DGKB: variants seen among roughly 807,000 people sequenced by gnomAD.
DGKB encodes diacylglycerol kinase beta.
Under a neutral mutation model 114.3 loss-of-function variants are expected in DGKB, and 67 were observed. That is an observed-to-expected ratio of 0.59 (90% CI 0.48 to 0.72). The LOEUF (loss-of-function observed/expected upper bound fraction) is 0.72, where lower values mean the gene tolerates loss of function less well. Among genes scored for constraint, DGKB ranks in the 30% least tolerant of loss-of-function variants. The probability of loss-of-function intolerance (pLI) is 0.00; values close to 1 mark genes in which losing one functional copy is unlikely to be tolerated. For missense variants in DGKB, 907 were observed against 975.2 expected, an observed-to-expected ratio of 0.93 and a Z score of 0.93; for synonymous variants, 398 against 323.1, an observed-to-expected ratio of 1.23 and a Z score of -2.49.
intron 15 of DGKB, chr7:14,621,151 G>T (rs913891719): frequency 9.8e-6 from 4 of 409,664 alleles, no homozygotes; most frequent in African/African-American, 4.2e-5. Context: ...TTGCCAATTT[G>T]AGTTTAAATG....
intron 23 of DGKB, among the ~76,000 whole-genome samples, chr7:14,284,796 G>T (rs1187515885): frequency 1.3e-5 from 2 of 148,580 alleles, no homozygotes; most frequent in Non-Finnish European, 3.0e-5. Flanking sequence ...TCACTCATAG[G>T]TGGGAATTGA....
chr7:14,833,921 C>T (rs987410884), intron 2 of DGKB, among the ~76,000 whole-genome samples: 5 of 152,270 alleles, frequency 3.3e-5, no homozygotes, highest in Non-Finnish European at 4.4e-5. Context: ...ATCTTGCATA[C>T]GTAACATTCA....
intron 21 of DGKB, among the ~76,000 whole-genome samples, chr7:14,347,410 C>A (rs1263355956): frequency 6.6e-6 from 1 of 151,962 alleles, no homozygotes; most frequent in Non-Finnish European, 1.5e-5. Context: ...AAAAATAGAA[C>A]AACCATGTGA....
Position 14,295,862 on chromosome 7 carries a change from C to A in DGKB, c.2122+42653G>T, listed in dbSNP as rs183501800. 1.1e-3 allele frequency among the ~76,000 whole-genome samples: 172 copies of A among 152,106 alleles called. No individual in the cohort carries two copies. The East Asian group carries it at 0.022, about 19-fold the overall frequency. ...TGATGCTATCCCTACCCTAGCCCCC[C>A]AACCCAGACAGGCCCCAGTGTGTGT... On this transcript the variant is annotated intron_variant, in intron 23 of 25. Transcript: ENST00000402815.
chr7:14,501,161 G>C (rs1426397521), intron 20 of DGKB, among the ~76,000 whole-genome samples: 2 of 151,744 alleles, frequency 1.3e-5, no homozygotes, highest in African/African-American at 4.8e-5. Context: ...GGGATCTAGG[G>C]TTATAGGAAT....
At chr7:14,373,733 G>A (rs1022134591) in intron 21 of DGKB, among the ~76,000 whole-genome samples, 10 of 152,102 alleles carry the variant, frequency 6.6e-5, no homozygotes, top group Non-Finnish European at 1.0e-4. Flanking sequence ...AAGAGGTAAG[G>A]AGAGAAGGGA....
rs191126227 is a variant in DGKB at position 14,777,803 on chromosome 7, C to T, written c.71-20072G>A. On this transcript the variant is annotated intron_variant, in intron 2 of 25. Transcript: ENST00000402815. Reference sequence around the variant, plus strand: ...CATAAATTCCTAAAGGTAGTGTGAACGGGTCAACGGGCTCACAGAATTTAA... The same window carrying T: ...CATAAATTCCTAAAGGTAGTGTGAATGGGTCAACGGGCTCACAGAATTTAA... Among the ~76,000 whole-genome samples the T allele has an allele frequency of 2.5e-4, 38 of 152,206 alleles. 1 individual carries two copies. In the South Asian group the frequency reaches 3.5e-3, roughly 14 times the overall value.
intron 20 of DGKB, among the ~76,000 whole-genome samples, chr7:14,565,912 A>G (rs1584850463): frequency 6.6e-6 from 1 of 152,204 alleles, no homozygotes; most frequent in Admixed American, 6.5e-5. Context: ...AGCCAGATTA[A>G]TATTTTTTCT....
At chr7:14,940,328 C>G (rs1298729813) in intron 1 of DGKB, among the ~76,000 whole-genome samples, 7 of 148,078 alleles carry the variant, frequency 4.7e-5, no homozygotes, top group Non-Finnish European at 9.0e-5. Context: ...ACAGATACCT[C>G]CAGAGTCTTC....
chr7:14,689,527 CA>C (rs1343243866), intron 9 of DGKB, among the ~76,000 whole-genome samples: 1 of 152,086 alleles, frequency 6.6e-6, no homozygotes, highest in Non-Finnish European at 1.5e-5. Flanking sequence ...AAAGAGAATG[CA>C]GAGAAAAGTT....
intron 20 of DGKB, among the ~76,000 whole-genome samples, chr7:14,509,995 G>A (rs1787745859): frequency 6.6e-6 from 1 of 152,138 alleles, no homozygotes; most frequent in South Asian, 2.1e-4. Flanking sequence ...CTGACACGGT[G>A]AAACCCCGTC....
intron 21 of DGKB, among the ~76,000 whole-genome samples, chr7:14,395,090 G>T (rs1017963070): frequency 2.0e-5 from 3 of 152,002 alleles, no homozygotes; most frequent in Admixed American, 6.6e-5. Flanking sequence ...TTTTGTCAAG[G>T]TTATTTTGTG....
intron 13 of DGKB, among the ~76,000 whole-genome samples, chr7:14,632,077 C>A (rs1371925884): frequency 1.3e-5 from 2 of 151,962 alleles, no homozygotes; most frequent in East Asian, 3.9e-4. Context: ...AAGATTATGG[C>A]TGTCTAAATG....
intron 14 of DGKB, among the ~76,000 whole-genome samples, chr7:14,622,554 A>C (rs1355468520): frequency 6.6e-6 from 1 of 152,156 alleles, no homozygotes; most frequent in African/African-American, 2.4e-5. Flanking sequence ...GTCCAAGATT[A>C]GTTTTAAAAT....
intron 1 of DGKB, among the ~76,000 whole-genome samples, chr7:14,894,292 T>C (rs1781760311): frequency 1.3e-5 from 2 of 151,446 alleles, no homozygotes. Flanking sequence ...AGTCTTTCTT[T>C]ATCTCTTAAC....
chr7:14,319,034 A>T (rs1274953826), intron 23 of DGKB, among the ~76,000 whole-genome samples: 1 of 151,602 alleles, frequency 6.6e-6, no homozygotes, highest in Non-Finnish European at 1.5e-5. Context: ...AACTGTCGCA[A>T]GAACAAAAAA....
chr7:14,611,126 T>C (rs1413381607), intron 16 of DGKB, among the ~76,000 whole-genome samples: 1 of 152,142 alleles, frequency 6.6e-6, no homozygotes, highest in East Asian at 1.9e-4. Context: ...TAATAACCTA[T>C]AAAGAAGCTC....
At chr7:14,782,314 C>T (rs952906483) in intron 2 of DGKB, among the ~76,000 whole-genome samples, 1 of 152,156 alleles carries the variant, frequency 6.6e-6, no homozygotes, top group African/African-American at 2.4e-5. Context: ...GTGTGAGCCA[C>T]TGTGCCCCCG....
intron 21 of DGKB, among the ~76,000 whole-genome samples, chr7:14,413,345 G>T (rs542517225): frequency 1.1e-4 from 17 of 152,226 alleles, no homozygotes; most frequent in African/African-American, 3.9e-4. Flanking sequence ...TCATGGAGAT[G>T]GGAGATAGGG....
Sources: gnomAD v4.1 joint callset for allele counts (sites outside exome capture counted in the v4.1 genomes callset) on GRCh38, gnomAD v4.1.1 for gene constraint, MANE v1.5 for transcripts, NCBI Gene and HGNC (gene_info 2026-07-23, HGNC 2026-07-21) for gene names.